MDGA2: variants seen among roughly 807,000 people sequenced by gnomAD.
The protein encoded by MDGA2 is MAM domain-containing glycosylphosphatidylinositol anchor protein 2.
A neutral mutation model predicts 117.8 loss-of-function variants in MDGA2; 40 were observed. That is an observed-to-expected ratio of 0.34 (90% CI 0.26 to 0.44). MDGA2 has a LOEUF of 0.44. Among genes scored for constraint, MDGA2 ranks in the 20% least tolerant of loss-of-function variants. MDGA2 has a pLI of 1.00. For missense variants in MDGA2, 1,123 were observed against 1,250.6 expected, an observed-to-expected ratio of 0.90 and a Z score of 1.54; for synonymous variants, 452 against 439.0, an observed-to-expected ratio of 1.03 and a Z score of -0.37.
chr14:47,237,940 G>A (rs1425739827), intron 2 of MDGA2, among the ~76,000 whole-genome samples: 3 of 151,922 alleles, frequency 2.0e-5, no homozygotes, highest in Non-Finnish European at 4.4e-5. Flanking sequence ...ATCCTCTTTT[G>A]GCTTCCCATT....
intron 1 of MDGA2, among the ~76,000 whole-genome samples, chr14:47,358,431 G>A (rs933229534): frequency 1.3e-5 from 2 of 152,162 alleles, no homozygotes; most frequent in African/African-American, 4.8e-5. Context: ...CACCCGTTGT[G>A]CGGGTATCAA....
At chr14:47,353,511 T>C (rs1890928659) in intron 1 of MDGA2, among the ~76,000 whole-genome samples, 1 of 152,180 alleles carries the variant, frequency 6.6e-6, no homozygotes, top group African/African-American at 2.4e-5. Flanking sequence ...TTCCTCAAAA[T>C]ATAATCACAT....
chr14:47,594,002 A>T (rs887924711), intron 1 of MDGA2, among the ~76,000 whole-genome samples: 1 of 152,232 alleles, frequency 6.6e-6, no homozygotes, highest in African/African-American at 2.4e-5. Flanking sequence ...AAATATTTAA[A>T]ATATAACTGA....
intron 1 of MDGA2, among the ~76,000 whole-genome samples, chr14:47,635,369 T>C (rs1897305222): frequency 6.6e-6 from 1 of 152,272 alleles, no homozygotes; most frequent in Non-Finnish European, 1.5e-5. Flanking sequence ...TACAACAGAA[T>C]TGAATATGAT....
chr14:46,845,705 T>G, intron 16 of MDGA2, 61 bp downstream of exon 16: 2 of 999,756 alleles, frequency 2.0e-6, no homozygotes, highest in Non-Finnish European at 2.9e-6. Context: ...AATTAAATGT[T>G]AATTTAATAG....
chr14:46,892,250 G>C (rs558416538), intron 10 of MDGA2, among the ~76,000 whole-genome samples: 2 of 151,644 alleles, frequency 1.3e-5, no homozygotes, highest in African/African-American at 4.8e-5. Context: ...CCACCAAGAA[G>C]ACCCAATGAA....
At chr14:47,012,266 G>T (rs561121188) in intron 8 of MDGA2, among the ~76,000 whole-genome samples, 1 of 152,228 alleles carries the variant, frequency 6.6e-6, no homozygotes, top group East Asian at 1.9e-4. Context: ...AAAATAGTCA[G>T]TTGAATCAAC....
At chr14:46,893,849 C>A (rs1882975710) in intron 10 of MDGA2, among the ~76,000 whole-genome samples, 1 of 151,822 alleles carries the variant, frequency 6.6e-6, no homozygotes, top group Admixed American at 6.6e-5. Flanking sequence ...GTGATTTCAG[C>A]CAGTAGGGTG....
At chr14:47,394,377 C>T (rs1464949393) in intron 1 of MDGA2, among the ~76,000 whole-genome samples, 1 of 152,098 alleles carries the variant, frequency 6.6e-6, no homozygotes, top group South Asian at 2.1e-4. Context: ...CATCTGTAAC[C>T]TAGTGTAAAA....
intron 2 of MDGA2, among the ~76,000 whole-genome samples, chr14:47,286,826 C>CACACACAT (rs1555370157): frequency 4.2e-5 from 3 of 71,926 alleles, no homozygotes; most frequent in African/African-American, 1.7e-4. Flanking sequence ...TATATATATA[C>CACACACAT]ATATATATAT....
chr14:47,122,044 C>CATCT (rs1881678944), intron 5 of MDGA2, among the ~76,000 whole-genome samples: 1 of 151,940 alleles, frequency 6.6e-6, no homozygotes, highest in Non-Finnish European at 1.5e-5. Context: ...TTATGGGCTG[C>CATCT]ATCTACTCCT....
chr14:47,340,745 C>T (rs752940862), intron 1 of MDGA2, among the ~76,000 whole-genome samples: 2 of 152,180 alleles, frequency 1.3e-5, no homozygotes, highest in African/African-American at 4.8e-5. Flanking sequence ...TTCCTCTTTT[C>T]TCATAAATCT....
In MDGA2 at chr14:47,551,254, CTTTAG is replaced by C. The variant is rs1895575451; in HGVS notation, c.280+123258_280+123262del. ...CAGACTGCTTAGGTAGGTGGTTTTC[CTTTAG>C]CCTTTTATCACAGACCAGCCTTTAA... On this transcript the variant is annotated intron_variant, in intron 1 of 16. Transcript: ENST00000399232. Among the ~76,000 whole-genome samples the C allele has an allele frequency of 2.0e-5, 3 of 152,220 alleles. No individual in the cohort carries two copies. The South Asian group carries it at 6.2e-4, about 32-fold the overall frequency.
At chr14:47,193,515 T>C (rs1885185467) in intron 3 of MDGA2, among the ~76,000 whole-genome samples, 1 of 152,144 alleles carries the variant, frequency 6.6e-6, no homozygotes, top group African/African-American at 2.4e-5. Flanking sequence ...GAATATGCCA[T>C]CCTGTTTATC....
At chr14:47,269,175 G>A (rs1022180392) in intron 2 of MDGA2, among the ~76,000 whole-genome samples, 4 of 152,132 alleles carry the variant, frequency 2.6e-5, no homozygotes, top group Non-Finnish European at 2.9e-5. Flanking sequence ...AGTACTATAC[G>A]TAGTAGGACT....
Position 47,037,908 on chromosome 14 carries a change from C to A in MDGA2, c.1526-2604G>T, listed in dbSNP as rs79405800. Among the ~76,000 whole-genome samples, 380 of 152,156 alleles carry A rather than the reference C, an allele frequency of 2.5e-3. 6 individuals carry two copies. The highest frequency in any genetic ancestry group is 8.8e-3 in the African/African-American group (365 of 41,520). On this transcript the variant is annotated intron_variant, in intron 7 of 16. Transcript: ENST00000399232. Reference sequence around the variant, plus strand: ...ACCTGACCTTGGCCAACCAAAACACCGTCTGTATTAATTTTACCTTTTGTT... The same window carrying A: ...ACCTGACCTTGGCCAACCAAAACACAGTCTGTATTAATTTTACCTTTTGTT...
chr14:46,875,714 C>G (rs1416288130), intron 12 of MDGA2, among the ~76,000 whole-genome samples: 1 of 151,476 alleles, frequency 6.6e-6, no homozygotes, highest in Admixed American at 6.6e-5. Context: ...CCATTAGTTG[C>G]TACTCTGGCG....
Position 47,643,588 on chromosome 14 carries a change from T to C in MDGA2, c.280+30929A>G, listed in dbSNP as rs965199738. ...CTTTCTATCACCAGCCATTCTCAAG[T>C]AGGAAAGCAAAGAGGCACCAAATGT... On this transcript the variant is annotated intron_variant, in intron 1 of 16. Transcript: ENST00000399232. Among the ~76,000 whole-genome samples the C allele has an allele frequency of 6.6e-5, 10 of 152,046 alleles. 1 individual carries two copies. The South Asian group carries it at 1.7e-3, about 25-fold the overall frequency.
At chr14:47,256,429 C>T (rs1331955711) in intron 2 of MDGA2, among the ~76,000 whole-genome samples, 2 of 152,184 alleles carry the variant, frequency 1.3e-5, no homozygotes, top group Admixed American at 6.6e-5. Context: ...ATGACCCTTT[C>T]TTTCTCCTGT....
Sources: gnomAD v4.1 joint callset for allele counts (sites outside exome capture counted in the v4.1 genomes callset) on GRCh38, gnomAD v4.1.1 for gene constraint, MANE v1.5 for transcripts, NCBI Gene and HGNC (gene_info 2026-07-23, HGNC 2026-07-21) for gene names.